STK33: variants seen among roughly 807,000 people sequenced by gnomAD.
The protein encoded by STK33 is serine/threonine kinase 33, also known as serine/threonine-protein kinase 33.
Under a neutral mutation model 58.0 loss-of-function variants are expected in STK33, and 52 were observed. The observed-to-expected ratio is 0.90, with a 90% CI of 0.72 to 1.13. STK33 has a LOEUF of 1.13. Ranked by LOEUF, STK33 falls within the 50% of genes most tolerant of loss-of-function variation. The pLI, the probability that STK33 is intolerant of heterozygous loss-of-function variation, is 0.00. For missense variants in STK33, 630 were observed against 604.2 expected (o/e 1.04, Z -0.45); for synonymous variants, 215 against 200.1 (o/e 1.07, Z -0.63).
At chr11:8,535,872 G>A (rs1477449618) in intron 1 of STK33, among the ~76,000 whole-genome samples, 1 of 152,078 alleles carries the variant, frequency 6.6e-6, no homozygotes, top group African/African-American at 2.4e-5. Context: ...TAAAGAAAAT[G>A]TGGTATATAT....
the STK33 span, among the ~76,000 whole-genome samples, chr11:8,351,318 T>C: frequency 6.6e-6 from 1 of 152,160 alleles, no homozygotes; most frequent in Non-Finnish European, 1.5e-5. Context: ...CCTCTACTTT[T>C]AATGTCTCCC....
At chr11:8,465,926 G>A (rs566689607) in intron 6 of STK33, 2 of 152,618 alleles carry the variant, frequency 1.3e-5, no homozygotes, top group African/African-American at 2.4e-5. Flanking sequence ...GGAGGAGCAT[G>A]TCACATCTTA....
chr11:8,447,093 A>G (rs1375748634), intron 11 of STK33, among the ~76,000 whole-genome samples: 5 of 152,174 alleles, frequency 3.3e-5, no homozygotes, highest in African/African-American at 1.2e-4. Context: ...AATATCCAGA[A>G]TTTACAGGGA....
intron 1 of STK33, among the ~76,000 whole-genome samples, chr11:8,500,540 T>C (rs1951436805): frequency 6.6e-6 from 1 of 152,122 alleles, no homozygotes; most frequent in South Asian, 2.1e-4. Flanking sequence ...ACTATAAAAC[T>C]TCATTGAAAG....
intron 1 of STK33, among the ~76,000 whole-genome samples, chr11:8,547,522 C>T (rs1591734430): frequency 6.6e-6 from 1 of 152,296 alleles, no homozygotes; most frequent in East Asian, 1.9e-4. Flanking sequence ...CCCTGTATGT[C>T]TTCTTCTGAG....
chr11:8,541,309 G>A (rs537415182), intron 1 of STK33, among the ~76,000 whole-genome samples: 3 of 152,056 alleles, frequency 2.0e-5, no homozygotes, highest in East Asian at 1.9e-4. Flanking sequence ...TCTCAGTTTC[G>A]TGATTCAGTA....
chr11:8,394,043 A>C (rs1848939772), intron 15 of STK33, among the ~76,000 whole-genome samples: 1 of 152,182 alleles, frequency 6.6e-6, no homozygotes, highest in South Asian at 2.1e-4. Context: ...TTAAAATTTT[A>C]ATTTCTATAA....
At chr11:8,413,457 T>G in intron 15 of STK33, 38 bp downstream of exon 15, 3 of 1,609,120 alleles carry the variant, frequency 1.9e-6, no homozygotes, top group Non-Finnish European at 2.6e-6. Context: ...GTGAGGGTAT[T>G]TTACACTTGG....
chr11:8,424,251 T>C (rs1942384412), intron 14 of STK33, among the ~76,000 whole-genome samples: 1 of 151,418 alleles, frequency 6.6e-6, no homozygotes, highest in South Asian at 2.1e-4. Flanking sequence ...TGGCTTTTTG[T>C]CCTTGCGATA....
chr11:8,399,995 A>G (rs1302949953), intron 15 of STK33, among the ~76,000 whole-genome samples: 2 of 152,204 alleles, frequency 1.3e-5, no homozygotes, highest in African/African-American at 4.8e-5. Context: ...CCAACCAAAA[A>G]AAGTCCAGGA....
At chr11:8,468,472 C>T (rs1346598952) in intron 6 of STK33, among the ~76,000 whole-genome samples, 1 of 152,190 alleles carries the variant, frequency 6.6e-6, no homozygotes, top group Non-Finnish European at 1.5e-5. Flanking sequence ...CAACTAATTA[C>T]TCACCTCCTT....
chr11:8,366,428 A>G, the STK33 span, among the ~76,000 whole-genome samples: 1 of 152,160 alleles, frequency 6.6e-6, no homozygotes, highest in Non-Finnish European at 1.5e-5. Flanking sequence ...GCCGGAGGGA[A>G]AGGAGGGACA....
the STK33 span, among the ~76,000 whole-genome samples, chr11:8,355,369 T>C: frequency 4.6e-4 from 70 of 152,304 alleles, no homozygotes; most frequent in Admixed American, 1.0e-3. Context: ...AAATCTGTCA[T>C]TTCATTTATT....
the STK33 span, among the ~76,000 whole-genome samples, chr11:8,371,904 G>C: frequency 1.7e-4 from 15 of 90,542 alleles, no homozygotes; most frequent in African/African-American, 5.5e-4. Context: ...TTATTTTTTT[G>C]AGACTGGGTC....
chr11:8,562,548 AT>A (rs1373347175), intron 1 of STK33, among the ~76,000 whole-genome samples: 6 of 152,188 alleles, frequency 3.9e-5, no homozygotes, highest in African/African-American at 1.4e-4. Context: ...GATTTCATCC[AT>A]ATTTCATTAT....
At chr11:8,528,616 G>A (rs1954252976) in intron 1 of STK33, among the ~76,000 whole-genome samples, 1 of 152,196 alleles carries the variant, frequency 6.6e-6, no homozygotes, top group Admixed American at 6.5e-5. Context: ...ATAAAGACAA[G>A]ATAATATTTA....
chr11:8,560,010 A>G (rs1277669213), intron 1 of STK33, among the ~76,000 whole-genome samples: 3 of 152,142 alleles, frequency 2.0e-5, no homozygotes, highest in African/African-American at 4.8e-5. Context: ...TCCAATATAT[A>G]TAAGCATTCT....
chr11:8,449,533 C>CA (rs1405248716), intron 11 of STK33, among the ~76,000 whole-genome samples: 1 of 146,936 alleles, frequency 6.8e-6, no homozygotes, highest in Non-Finnish European at 1.5e-5. Flanking sequence ...ATCGCAAGGA[C>CA]AAAAAACCAA....
the STK33 span, among the ~76,000 whole-genome samples, chr11:8,341,973 C>A: frequency 1.3e-5 from 2 of 152,176 alleles, no homozygotes; most frequent in Non-Finnish European, 2.9e-5. Context: ...GCATTTATTG[C>A]AGGATGCCAA....
Sources: gnomAD v4.1 joint callset for allele counts (sites outside exome capture counted in the v4.1 genomes callset) on GRCh38, gnomAD v4.1.1 for gene constraint, MANE v1.5 for transcripts, NCBI Gene and HGNC (gene_info 2026-07-23, HGNC 2026-07-21) for gene names.